Variants in HINT3 observed in about 807,000 individuals in gnomAD.
HINT3 encodes the protein histidine triad nucleotide binding protein 3, also known as adenosine 5'-monophosphoramidase HINT3.
A neutral mutation model predicts 19.1 loss-of-function variants in HINT3; 16 were observed. The ratio of observed to expected loss-of-function variants is 0.84; its 90% CI spans 0.57 to 1.27. HINT3 has a LOEUF of 1.27. Ranked by LOEUF, HINT3 falls within the 50% of genes most tolerant of loss-of-function variation. The pLI is 0.00. For synonymous variants in HINT3, 75 were observed against 84.8 expected (o/e 0.88, Z 0.63); for missense variants, 197 against 225.8 (o/e 0.87, Z 0.82).
intron 4 of HINT3, 107 bp from the exon 5 acceptor site, chr6:125,977,537 A>G: frequency 3.8e-6 from 2 of 520,900 alleles, no homozygotes; most frequent in Non-Finnish European, 3.5e-6. Context: ...AACAGAATAT[A>G]TAGTACTCAA....
chr6:125,962,135 C>T (rs1254397436), intron 1 of HINT3, among the ~76,000 whole-genome samples: 2 of 102,132 alleles, frequency 2.0e-5, no homozygotes, highest in African/African-American at 6.1e-5. Flanking sequence ...AGCCAGGAAT[C>T]GTGGATGGAA....
chr6:125,967,911 G>C (rs968586870), intron 2 of HINT3, among the ~76,000 whole-genome samples: 2 of 152,152 alleles, frequency 1.3e-5, no homozygotes, highest in African/African-American at 2.4e-5. Flanking sequence ...TCTGTGGCTT[G>C]TCACCTATCA....
chr6:125,959,149 A>G (rs1434382016), intron 1 of HINT3, among the ~76,000 whole-genome samples: 3 of 152,188 alleles, frequency 2.0e-5, no homozygotes, highest in African/African-American at 7.2e-5. Context: ...TGGATAGTCT[A>G]GCACTCTGTA....
intron 2 of HINT3, among the ~76,000 whole-genome samples, 172 bp downstream of exon 2, chr6:125,967,176 T>C (rs1385421924): frequency 6.6e-6 from 1 of 152,176 alleles, no homozygotes; most frequent in Non-Finnish European, 1.5e-5. Flanking sequence ...AGTATAATAC[T>C]CGTGTATTCA....
chr6:125,977,223 T>C (rs10872305), intron 4 of HINT3, among the ~76,000 whole-genome samples: 108,769 of 152,036 alleles, frequency 0.72, 39,470 homozygotes, highest in East Asian at 0.95. Flanking sequence ...TTCATCCCTC[T>C]TTCCCCTCTA....
rs1303953941 is a variant in HINT3, at chr6:125,978,782, AAGATAGT to A, written c.*1107_*1113del. On this transcript the variant is annotated 3_prime_UTR_variant, in exon 5 of 5. Transcript: ENST00000229633. ...CTTTTTTAGAGGGGGCATGATATTA[AAGATAGT>A]TTTAAGTAACAAATTACTTATTACA... 1 of 152,198 alleles carries A rather than the reference AAGATAGT, an allele frequency of 6.6e-6. No individual in the cohort carries two copies. The highest frequency in any genetic ancestry group is 2.4e-5 in the African/African-American group (1 of 41,438). 9.4% of individuals were successfully genotyped at this position (152,198 alleles called of 1,614,324 possible).
intron 4 of HINT3, among the ~76,000 whole-genome samples, chr6:125,975,386 G>T (rs1021810797): frequency 2.0e-5 from 3 of 152,132 alleles, no homozygotes; most frequent in African/African-American, 7.2e-5. Context: ...TGATAAGAGA[G>T]TTGATGAGGT....
intron 1 of HINT3, among the ~76,000 whole-genome samples, chr6:125,959,644 A>G (rs1583587151): frequency 6.6e-6 from 1 of 152,248 alleles, no homozygotes; most frequent in East Asian, 1.9e-4. Flanking sequence ...CAACTCTCAC[A>G]GGAATTTGGC....
rs557752967 is a variant in HINT3, at chr6:125,965,232, T to C, written c.202-1655T>C. The stretch of plus-strand genomic sequence containing the variant: ...GCTTTTCTCCTGCTAGCCATTAGAC[T>C]GGCACTTGCTAGTTCTGTTAATCTA... On this transcript the variant is annotated intron_variant, in intron 1 of 4. Coordinates refer to ENST00000229633, the MANE Select transcript of HINT3 (RefSeq NM_138571.5). Among the ~76,000 whole-genome samples, 14 of 152,310 alleles carry C rather than the reference T, an allele frequency of 9.2e-5. No homozygotes were observed. The South Asian group carries it at 2.7e-3, about 29-fold the overall frequency.
intron 2 of HINT3, among the ~76,000 whole-genome samples, chr6:125,969,620 C>T (rs1789070593): frequency 6.6e-6 from 1 of 152,152 alleles, no homozygotes; most frequent in South Asian, 2.1e-4. Flanking sequence ...AGTCCACGAG[C>T]ATAGAATGTT....
intron 1 of HINT3, among the ~76,000 whole-genome samples, chr6:125,960,803 T>C (rs1352521712): frequency 6.6e-6 from 1 of 152,150 alleles, no homozygotes; most frequent in Admixed American, 6.5e-5. Flanking sequence ...CAGACCTTTG[T>C]TGGACTGACC....
Position 125,962,255 on chromosome 6 carries a change from CATAT to C in HINT3, c.202-4620_202-4617del, listed in dbSNP as rs1389282551. Among the ~76,000 whole-genome samples, 34 of 14,952 alleles carry C rather than the reference CATAT, an allele frequency of 2.3e-3. 6 individuals carry two copies. Among genetic ancestry groups the C allele is most frequent in the Admixed American group, 7.2e-3 (8 of 1,104 alleles). The allele number at this position is 14,952 out of a possible 152,430, so 9.8% of individuals were successfully genotyped here. On this transcript the variant is annotated intron_variant, in intron 1 of 4. Coordinates refer to ENST00000229633, the MANE Select transcript of HINT3 (RefSeq NM_138571.5). ...ATATACACATATATATATATACACACATATATATATATATACATACATATATATA... is the reference window on the plus strand; with the variant it reads ...ATATACACATATATATATATACACACATATATATATACATACATATATATA...
chr6:125,969,751 T>A (rs1253979670), intron 2 of HINT3, among the ~76,000 whole-genome samples: 1 of 152,178 alleles, frequency 6.6e-6, no homozygotes, highest in African/African-American at 2.4e-5. Context: ...GTGTGGCTAT[T>A]GTAAATGGGA....
intron 1 of HINT3, among the ~76,000 whole-genome samples, chr6:125,957,839 T>C (rs919476843): frequency 5.9e-5 from 9 of 152,242 alleles, no homozygotes; most frequent in African/African-American, 1.9e-4. Context: ...CTTGTCCATA[T>C]AGAAACAACT....
intron 2 of HINT3, among the ~76,000 whole-genome samples, chr6:125,968,463 G>T (rs530045006): frequency 2.7e-4 from 41 of 152,280 alleles, no homozygotes; most frequent in African/African-American, 9.1e-4. Context: ...GAATAGTGCT[G>T]TGACTCACAT....
chr6:125,977,229 C>G (rs1291912355), intron 4 of HINT3, among the ~76,000 whole-genome samples: 1 of 152,168 alleles, frequency 6.6e-6, no homozygotes, highest in Admixed American at 6.5e-5. Context: ...CCTCTTTCCC[C>G]TCTAACTCCT....
chr6:125,975,114 A>G (rs981846701), intron 4 of HINT3, 141 bp downstream of exon 4: 2 of 658,550 alleles, frequency 3.0e-6, no homozygotes, highest in Non-Finnish European at 2.4e-6. Context: ...CACATATCCA[A>G]AATAATATTT....
intron 1 of HINT3, among the ~76,000 whole-genome samples, chr6:125,964,304 T>A (rs1788986118): frequency 6.6e-6 from 1 of 152,230 alleles, no homozygotes; most frequent in Non-Finnish European, 1.5e-5. Context: ...GATGTATACA[T>A]GTTAAATATT....
intron 4 of HINT3, among the ~76,000 whole-genome samples, chr6:125,976,225 C>G (rs1789176809): frequency 6.6e-6 from 1 of 151,856 alleles, no homozygotes; most frequent in Non-Finnish European, 1.5e-5. Flanking sequence ...ACTTGTTGCC[C>G]AGATGATTTC....
Sources: allele counts gnomAD v4.1 joint callset (sites outside exome capture counted in the v4.1 genomes callset), GRCh38; gene constraint gnomAD v4.1.1; transcripts MANE v1.5; gene names NCBI Gene and HGNC (gene_info 2026-07-23, HGNC 2026-07-21).